Variants in AK9 observed in about 807,000 individuals in gnomAD.
AK9 encodes the protein adenylate kinase 9.
In AK9, 191 loss-of-function variants were observed where a neutral mutation model predicts 239.6. The observed-to-expected ratio is 0.80, with a 90% confidence interval of 0.71 to 0.90. AK9 has a LOEUF of 0.90. Ranked by LOEUF, AK9 falls within the 40% of genes least tolerant of loss-of-function variation. AK9 has a pLI of 0.00. For synonymous variants in AK9, 689 were observed against 721.0 expected (o/e 0.96, Z 0.71); for missense variants, 1,995 against 2,214.7 (o/e 0.90, Z 1.99).
At position 109,585,981 on chromosome 6, in the gene AK9, A is replaced by ATCCACAATTCTTTTACAATAGGGCAGTTG; in HGVS notation, c.1905_1933dup (p.Met645ThrfsTer6). On this transcript the variant is annotated stop_gained and frameshift_variant, in exon 18 of 41. Transcript: ENST00000424296. LOFTEE classifies it high-confidence loss of function. Reference sequence around the variant, plus strand: ...TATAATTCCTTTCTTGATTAAGGCCATCCACAATTCTTTTACAATAGGGCA... The same window carrying ATCCACAATTCTTTTACAATAGGGCAGTTG: ...TATAATTCCTTTCTTGATTAAGGCCATCCACAATTCTTTTACAATAGGGCAGTTGTCCACAATTCTTTTACAATAGGGCA... 1 of 1,551,558 alleles carries ATCCACAATTCTTTTACAATAGGGCAGTTG rather than the reference A, an allele frequency of 6.4e-7. No individual in the cohort carries two copies.
At position 109,542,117 on chromosome 6, in the gene AK9, C is replaced by G; in HGVS notation, c.3280G>C (p.Glu1094Gln). Residue 1094 changes from glutamate to glutamine, a missense_variant, in exon 27 of 41, where the codon GAA (glutamate) becomes CAA (glutamine). By Grantham distance (29) the Glu-to-Gln change is conservative (BLOSUM62 2). Transcript: ENST00000424296. Reference protein sequence around the residue: ...EEEVIKSSLMENEPLPPEILE... With the variant: ...EEEVIKSSLMQNEPLPPEILE... ...ATTTCAGGAGGCAAGGGCTCATTTTCCATTAGACTTGATTTGATTACTTCT... is the reference window on the plus strand; with the variant it reads ...ATTTCAGGAGGCAAGGGCTCATTTTGCATTAGACTTGATTTGATTACTTCT... 1.2e-6 allele frequency: 2 copies of G among 1,608,832 alleles called. No individual in the cohort carries two copies.
intron 28 of AK9, 72 bp downstream of exon 28, chr6:109,533,179 A>C (rs1781505689): frequency 2.6e-6 from 3 of 1,154,892 alleles, no homozygotes; most frequent in Non-Finnish European, 3.5e-6. Context: ...TTTTTTGTGA[A>C]GATCACTTTA....
Position 109,564,244 on chromosome 6 carries a change from T to C in AK9, c.2471A>G (p.Asp824Gly). 1.3e-6 allele frequency: 2 copies of C among 1,551,256 alleles called. No homozygotes were observed. Among genetic ancestry groups the C allele is most frequent in the Non-Finnish European group, 1.7e-6 (2 of 1,146,828 alleles). The change falls in exon 23 of 41, where the codon GAT becomes GGT. Residue 824 changes from aspartate to glycine, a missense_variant. Asp to Gly is a moderately conservative substitution (Grantham distance 94). Coordinates refer to ENST00000424296, the MANE Select transcript of AK9 (RefSeq NM_001145128.3). ...LPEFPEDSYP[D>G]VPEMEPFKEK... is the part of the protein sequence containing the mutation. The stretch of plus-strand genomic sequence containing the variant: ...TTTAAATGGCTCCATTTCGGGAACA[T>C]CAGGATAAGAGTCTTCTGGAAACTC...
chr6:109,573,381 C>T (rs1473461463), intron 21 of AK9, 61 bp downstream of exon 21: 6 of 1,473,172 alleles, frequency 4.1e-6, no homozygotes, highest in Non-Finnish European at 5.4e-6. Flanking sequence ...ATACACATAC[C>T]CAAACAGACA....
chr6:109,673,706 T>C (rs187629270), intron 3 of AK9, among the ~76,000 whole-genome samples: 127 of 152,192 alleles, frequency 8.3e-4, no homozygotes, highest in African/African-American at 2.7e-3. Context: ...CAAACACACA[T>C]ATCCCAAACA....
chr6:109,624,174 C>G (rs1795234727), intron 12 of AK9, among the ~76,000 whole-genome samples: 1 of 151,988 alleles, frequency 6.6e-6, no homozygotes, highest in South Asian at 2.1e-4. Flanking sequence ...GGAGCTATCT[C>G]TTCTGGACCC....
At chr6:109,595,407 T>G (rs1217969095) in intron 17 of AK9, among the ~76,000 whole-genome samples, 1 of 152,154 alleles carries the variant, frequency 6.6e-6, no homozygotes, top group South Asian at 2.1e-4. Context: ...TTGGTGGGAG[T>G]GTAAATTAGT....
chr6:109,559,038 GA>G (rs531776297), intron 24 of AK9, among the ~76,000 whole-genome samples: 6 of 151,652 alleles, frequency 4.0e-5, no homozygotes, highest in African/African-American at 1.2e-4. Context: ...TTTCAATAGA[GA>G]GGGGGGGTTC....
Position 109,497,820 on chromosome 6 carries a change from A to G in AK9, c.5192T>C (p.Val1731Ala). Reference sequence around the variant, plus strand: ...CCTTTGGTTTCCATCCTTATAGGTCACTGGACAGTAGCCCTGGAGCTCCGC... The same window carrying G: ...CCTTTGGTTTCCATCCTTATAGGTCGCTGGACAGTAGCCCTGGAGCTCCGC... ...KCAELQGYCP[V>A]TYKDGNQRYE... The change falls in exon 37 of 41, where the codon GTG becomes GCG. Residue 1731 changes from valine (V) to alanine (A), a missense_variant. By Grantham distance (64) the Val-to-Ala change is moderately conservative. Coordinates refer to ENST00000424296, the MANE Select transcript of AK9 (RefSeq NM_001145128.3). 2 of 1,613,904 alleles carry G rather than the reference A, an allele frequency of 1.2e-6. No homozygotes were observed. Among genetic ancestry groups the G allele is most frequent in the Non-Finnish European group, 1.7e-6 (2 of 1,179,848 alleles).
At chr6:109,530,657 A>G (rs1183312608) in intron 28 of AK9, among the ~76,000 whole-genome samples, 4 of 152,176 alleles carry the variant, frequency 2.6e-5, no homozygotes, top group Non-Finnish European at 5.9e-5. Context: ...ATTATTGTAC[A>G]TCTCCCAGAT....
chr6:109,663,456 C>T (rs1341746879), intron 5 of AK9, among the ~76,000 whole-genome samples: 2 of 152,270 alleles, frequency 1.3e-5, no homozygotes, highest in Non-Finnish European at 2.9e-5. Context: ...TGGAATGACC[C>T]TGTCACTGCA....
chr6:109,678,469 G>T (rs780306910), intron 1 of AK9, among the ~76,000 whole-genome samples: 1 of 152,104 alleles, frequency 6.6e-6, no homozygotes, highest in African/African-American at 2.4e-5. Context: ...GAATGGAAAC[G>T]TTCTCTATCT....
intron 32 of AK9, 50 bp downstream of exon 32, chr6:109,514,174 C>T (rs1245612336): frequency 2.1e-5 from 31 of 1,498,878 alleles, no homozygotes; most frequent in Non-Finnish European, 2.6e-5. Flanking sequence ...GCATTGGGTA[C>T]AAGCAGATTC....
In AK9 at chr6:109,622,232, CATATT is replaced by C. The variant is rs1050952581; in HGVS notation, c.1255-3001_1255-2997del. On this transcript the variant is annotated intron_variant, in intron 12 of 40. Coordinates refer to ENST00000424296, the MANE Select transcript of AK9 (RefSeq NM_001145128.3). ...TATTTTAGACATTATATATAATATA[CATATT>C]ATATTATATATTATGTACATATACA... Among the ~76,000 whole-genome samples, 4 of 141,638 alleles carry C rather than the reference CATATT, an allele frequency of 2.8e-5. No homozygotes were observed. The South Asian group carries it at 6.5e-4, about 23-fold the overall frequency. The allele number at this position is 141,638 out of a possible 152,430, so 92.9% of individuals were successfully genotyped here. A position where few individuals can be genotyped will look rare whatever the true frequency, so the allele number is the denominator to read the frequency against.
intron 12 of AK9, among the ~76,000 whole-genome samples, chr6:109,623,869 AC>A (rs1251006445): frequency 8.4e-5 from 12 of 142,064 alleles, no homozygotes; most frequent in African/African-American, 3.3e-4. Flanking sequence ...TTAGACACAC[AC>A]ACACACACAC....
Position 109,514,207 on chromosome 6 carries a change from G to C in AK9, c.4279+17C>G, listed in dbSNP as rs1360809756. 6.5e-7 allele frequency: 1 copy of C among 1,542,368 alleles called. No individual in the cohort carries two copies. The highest frequency in any genetic ancestry group is 1.4e-5 in the African/African-American group (1 of 72,290). On this transcript the variant is annotated intron_variant, in intron 32 of 40. Coordinates refer to ENST00000424296, the MANE Select transcript of AK9 (RefSeq NM_001145128.3). Reference sequence around the variant, plus strand: ...TTCTTTTATGCTTGAGGAAAACAAAGGCAAACATACGCTCACCTGTAGTTT... The same window carrying C: ...TTCTTTTATGCTTGAGGAAAACAAACGCAAACATACGCTCACCTGTAGTTT...
chr6:109,506,257 A>G, intron 35 of AK9, 70 bp downstream of exon 35: 1 of 1,392,714 alleles, frequency 7.2e-7, no homozygotes, highest in Admixed American at 1.7e-5. Flanking sequence ...AATGAATTAC[A>G]GTAACATGAG....
intron 17 of AK9, among the ~76,000 whole-genome samples, chr6:109,605,718 G>C (rs1252985896): frequency 6.6e-6 from 1 of 152,160 alleles, no homozygotes; most frequent in African/African-American, 2.4e-5. Context: ...CTCAAGTTCA[G>C]GAACATTCAA....
At chr6:109,662,790 C>A in intron 5 of AK9, 127 bp from the exon 6 acceptor site, 1 of 351,506 alleles carries the variant, frequency 2.8e-6, no homozygotes, top group Non-Finnish European at 4.4e-6. Flanking sequence ...AGTCATCTCT[C>A]AAAAATTTTA....
Sources: allele counts gnomAD v4.1 joint callset (sites outside exome capture counted in the v4.1 genomes callset), GRCh38; gene constraint gnomAD v4.1.1; transcripts MANE v1.5; gene names NCBI Gene and HGNC (gene_info 2026-07-23, HGNC 2026-07-21).